Variants in EYS observed in about 807,000 individuals in gnomAD.
EYS encodes EGF-like photoreceptor maintenance factor, also known as protein eyes shut homolog.
Under a neutral mutation model 282.1 loss-of-function variants are expected in EYS, and 250 were observed. The ratio of observed to expected loss-of-function variants is 0.89; its 90% CI spans 0.80 to 0.98. The LOEUF (loss-of-function observed/expected upper bound fraction) is 0.98, where lower values mean the gene tolerates loss of function less well. Among genes scored for constraint, EYS ranks in the 50% least tolerant of loss-of-function variants. The pLI, the probability that EYS is intolerant of heterozygous loss-of-function variation, is 0.00. For synonymous variants in EYS, 1,355 were observed against 1,282.9 expected (o/e 1.06, Z -1.20); for missense variants, 4,016 against 3,709.0 (o/e 1.08, Z -2.15).
At chr6:64,131,996 A>C (rs1237849206) in intron 31 of EYS, among the ~76,000 whole-genome samples, 1 of 152,186 alleles carries the variant, frequency 6.6e-6, no homozygotes, top group African/African-American at 2.4e-5. Context: ...ACTGCTAGCC[A>C]AAATAGTATT....
intron 19 of EYS, among the ~76,000 whole-genome samples, chr6:64,849,668 G>A (rs1045018010): frequency 6.6e-6 from 1 of 151,942 alleles, no homozygotes; most frequent in Admixed American, 6.6e-5. Context: ...TTTTTTATAA[G>A]CTCATTCAAG....
chr6:65,110,293 A>G lies in EYS; in HGVS notation c.2024-52566T>C, dbSNP rs182546013. ...TATGTTCCAGTAGTTGTTAAATTCC[A>G]AAACAAAAGAACTAACCAGGAAGAT... On this transcript the variant is annotated intron_variant, in intron 12 of 42. Transcript: ENST00000503581. 7.2e-5 allele frequency among the ~76,000 whole-genome samples: 11 copies of G among 152,316 alleles called. No homozygotes were observed. In the South Asian group the frequency reaches 1.2e-3, roughly 17 times the overall value.
At chr6:64,604,690 T>C (rs1562087769) in intron 24 of EYS, among the ~76,000 whole-genome samples, 1 of 152,082 alleles carries the variant, frequency 6.6e-6, no homozygotes, top group Non-Finnish European at 1.5e-5. Context: ...ATTTGCTGTA[T>C]AATTTTAATC....
At chr6:65,061,068 T>G (rs1313597156) in intron 12 of EYS, among the ~76,000 whole-genome samples, 1 of 151,860 alleles carries the variant, frequency 6.6e-6, no homozygotes, top group East Asian at 1.9e-4. Context: ...TCATAAAGAT[T>G]GCCAGAAACA....
intron 7 of EYS, among the ~76,000 whole-genome samples, chr6:65,397,155 C>T (rs1288620474): frequency 6.6e-6 from 1 of 151,536 alleles, no homozygotes; most frequent in African/African-American, 2.4e-5. Context: ...ATTGAGTTTC[C>T]TGTTGTATTT....
At chr6:64,821,824 A>G (rs1225302100) in intron 20 of EYS, 101 bp from the exon 21 acceptor site, 9 of 633,456 alleles carry the variant, frequency 1.4e-5, no homozygotes, top group Admixed American at 1.2e-4. Context: ...AGTTCAGGTG[A>G]AAAAAGCACT....
chr6:63,858,046 G>C (rs1007653055), intron 36 of EYS, among the ~76,000 whole-genome samples: 2 of 152,132 alleles, frequency 1.3e-5, no homozygotes, highest in Non-Finnish European at 2.9e-5. Flanking sequence ...GAGGGGACCA[G>C]GGTGCCTGGG....
At chr6:64,663,814 C>T (rs931504768) in intron 22 of EYS, among the ~76,000 whole-genome samples, 1 of 152,062 alleles carries the variant, frequency 6.6e-6, no homozygotes, top group Non-Finnish European at 1.5e-5. Flanking sequence ...TTCTTGGCCT[C>T]AAGGATTCCA....
intron 37 of EYS, chr6:63,798,013 G>A (rs1249760403): frequency 6.6e-6 from 1 of 152,126 alleles, no homozygotes; most frequent in South Asian, 2.1e-4. Context: ...TGAAAATAAG[G>A]GATGTAAGCA....
At chr6:64,930,947 A>G (rs995916629) in intron 15 of EYS, among the ~76,000 whole-genome samples, 2 of 152,188 alleles carry the variant, frequency 1.3e-5, no homozygotes, top group African/African-American at 2.4e-5. Context: ...AAGAAAAATC[A>G]GAAATAAAGA....
chr6:64,470,243 A>T (rs535296875), intron 26 of EYS, among the ~76,000 whole-genome samples: 287 of 152,158 alleles, frequency 1.9e-3, no homozygotes, highest in African/African-American at 6.5e-3. Context: ...ACAGCGAAAA[A>T]CCCATGGACC....
chr6:65,306,844 A>C (rs1235464599), intron 11 of EYS, among the ~76,000 whole-genome samples: 3 of 141,414 alleles, frequency 2.1e-5, no homozygotes, highest in Non-Finnish European at 4.6e-5. Context: ...AAAAAAAAAA[A>C]AAAAAAAAAA....
intron 33 of EYS, among the ~76,000 whole-genome samples, chr6:64,062,933 A>G (rs1231929920): frequency 1.3e-5 from 2 of 152,022 alleles, no homozygotes; most frequent in Admixed American, 1.3e-4. Context: ...TTCTTCCTCT[A>G]TCCTGCTACA....
In EYS at chr6:64,979,184, TA is replaced by T. The variant is rs577810781; in HGVS notation, c.2259+18397del. On this transcript the variant is annotated intron_variant, in intron 14 of 42. Coordinates refer to ENST00000503581, the MANE Select transcript of EYS (RefSeq NM_001142800.2). ...AAACCAAAAACTGTATGACTCGCTT[TA>T]TTGCTATATTCGCTTTATTGCAGTA... 2.2e-4 allele frequency among the ~76,000 whole-genome samples: 34 copies of T among 151,918 alleles called. 2 individuals carry two copies. The South Asian group carries it at 7.0e-3, about 31-fold the overall frequency.
chr6:65,181,105 T>G (rs1424303689), intron 12 of EYS, among the ~76,000 whole-genome samples: 2 of 152,094 alleles, frequency 1.3e-5, no homozygotes, highest in Non-Finnish European at 2.9e-5. Flanking sequence ...ATAAAAACCC[T>G]AGAAGAAAAC....
intron 5 of EYS, among the ~76,000 whole-genome samples, chr6:65,434,777 T>C (rs1184656966): frequency 2.6e-5 from 4 of 152,168 alleles, no homozygotes; most frequent in African/African-American, 9.6e-5. Context: ...TCTTTATATC[T>C]AAAATGTTCC....
In EYS at chr6:65,245,856, A is replaced by C. The variant is rs73741281; in HGVS notation, c.2023+50007T>G. Among the ~76,000 whole-genome samples, 408 of 152,178 alleles carry C rather than the reference A, an allele frequency of 2.7e-3. 6 individuals carry two copies. Among genetic ancestry groups the C allele is most frequent in the Middle Eastern group, 0.01 (3 of 294 alleles). On this transcript the variant is annotated intron_variant, in intron 12 of 42. Transcript: ENST00000503581. The stretch of plus-strand genomic sequence containing the variant: ...GCCTCTTTTTCTGGCCATGGGGGGA[A>C]GATCTCTCAAAGAGCTAAATAATAT...
At chr6:65,235,854 T>C (rs950126650) in intron 12 of EYS, among the ~76,000 whole-genome samples, 1 of 152,158 alleles carries the variant, frequency 6.6e-6, no homozygotes, top group African/African-American at 2.4e-5. Context: ...TGCTTACATA[T>C]GATTAATGAC....
rs183452426 is a variant in EYS at position 65,456,136 on chromosome 6, A to G, written c.862+34458T>C. The stretch of plus-strand genomic sequence containing the variant: ...ATACAAAAAATTTCAGCAATATCCT[A>G]AAAAATTCAATCCCACAGTACACTA... On this transcript the variant is annotated intron_variant, in intron 5 of 42. Coordinates refer to ENST00000503581, the MANE Select transcript of EYS (RefSeq NM_001142800.2). Among the ~76,000 whole-genome samples the G allele has an allele frequency of 5.9e-5, 9 of 152,110 alleles. No individual in the cohort carries two copies. In the East Asian group the frequency reaches 1.7e-3, roughly 29 times the overall value.
Sources: gnomAD v4.1 joint callset for allele counts (sites outside exome capture counted in the v4.1 genomes callset) on GRCh38, gnomAD v4.1.1 for gene constraint, MANE v1.5 for transcripts, NCBI Gene and HGNC (gene_info 2026-07-23, HGNC 2026-07-21) for gene names.